RIMS3: variants seen among roughly 807,000 people sequenced by gnomAD.
RIMS3 encodes regulating synaptic membrane exocytosis 3.
RIMS3 carries 15 observed loss-of-function variants against 29.2 expected under a neutral mutation model. That is an observed-to-expected ratio of 0.51 (90% CI 0.34 to 0.79). RIMS3 has a LOEUF of 0.79. Ranked by LOEUF, RIMS3 falls within the 30% of genes least tolerant of loss-of-function variation. The pLI is 0.01. For synonymous variants in RIMS3, 161 were observed against 170.1 expected, an observed-to-expected ratio of 0.95 and a Z score of 0.41; for missense variants, 342 against 421.4, an observed-to-expected ratio of 0.81 and a Z score of 1.65.
At chr1:40,648,574 G>A (rs990085883) in intron 1 of RIMS3, among the ~76,000 whole-genome samples, 1 of 152,174 alleles carries the variant, frequency 6.6e-6, no homozygotes, top group Non-Finnish European at 1.5e-5. Context: ...TATAAAACAA[G>A]GATTGGGATG....
At position 40,635,105 on chromosome 1, in the gene RIMS3, G is replaced by A. The variant is rs1036211732; in HGVS notation, c.359+811C>T. ...ACTCGCATTCATGGAAGTAGGTGCA[G>A]CAGTGAGACACACAATCACTGAATC... On this transcript the variant is annotated intron_variant, in intron 4 of 7. Coordinates refer to ENST00000372684, the MANE Select transcript of RIMS3 (RefSeq NM_014747.3). This position sits in a 1 kb window ranked among gnomAD's most constrained non-coding sequence, Gnocchi z 4.1. 2.0e-5 allele frequency among the ~76,000 whole-genome samples: 3 copies of A among 152,352 alleles called. No homozygotes were observed. The highest frequency in any genetic ancestry group is 3.9e-4 in the East Asian group (2 of 5,190).
At chr1:40,633,299 G>A in intron 4 of RIMS3, 118 bp from the exon 5 acceptor site, 1 of 703,200 alleles carries the variant, frequency 1.4e-6, no homozygotes, top group Non-Finnish European at 2.5e-6. Flanking sequence ...CTGTGCCTCA[G>A]TTTCTCCTCT....
chr1:40,691,780 T>C, the RIMS3 span: 11 of 452,940 alleles, frequency 2.4e-5, no homozygotes, highest in Non-Finnish European at 4.9e-5. Flanking sequence ...CACTTCCCCC[T>C]CCCCTCCGCC....
intron 1 of RIMS3, among the ~76,000 whole-genome samples, chr1:40,662,621 C>G (rs756338901): frequency 6.6e-6 from 1 of 152,174 alleles, no homozygotes; most frequent in African/African-American, 2.4e-5. Context: ...TCACTCCTCC[C>G]GGACCCTCCT....
the RIMS3 span, chr1:40,691,582 G>C: frequency 3.0e-6 from 1 of 334,650 alleles, no homozygotes; most frequent in South Asian, 2.0e-5. Flanking sequence ...ATCTCATTCC[G>C]CCTCCCTCTG....
intron 2 of RIMS3, among the ~76,000 whole-genome samples, chr1:40,646,097 C>T (rs888866603): frequency 3.3e-5 from 5 of 152,156 alleles, no homozygotes; most frequent in Admixed American, 1.3e-4. Context: ...CTCTGGGCCT[C>T]GGCTGTCTCA....
At chr1:40,650,645 T>C (rs1341438133) in intron 1 of RIMS3, among the ~76,000 whole-genome samples, 1 of 151,626 alleles carries the variant, frequency 6.6e-6, no homozygotes, top group Non-Finnish European at 1.5e-5. Flanking sequence ...GTGAATCGCG[T>C]GAGCCCAGGA....
the RIMS3 span, among the ~76,000 whole-genome samples, chr1:40,684,805 G>GT: frequency 1.3e-5 from 2 of 152,142 alleles, no homozygotes; most frequent in Non-Finnish European, 2.9e-5. Flanking sequence ...GTCTCCCATT[G>GT]ATCAGTTTGC....
upstream of RIMS3, among the ~76,000 whole-genome samples, chr1:40,670,681 C>G (rs1469067606): frequency 6.8e-6 from 1 of 147,406 alleles, no homozygotes; most frequent in East Asian, 2.0e-4. Flanking sequence ...CTCCGCCTCC[C>G]AGGTTGAAGC....
intron 1 of RIMS3, among the ~76,000 whole-genome samples, chr1:40,653,389 T>C (rs897266670): frequency 1.3e-5 from 2 of 151,962 alleles, no homozygotes; most frequent in African/African-American, 2.4e-5. Flanking sequence ...AATATACAGA[T>C]GGCCAAGCTG....
rs116279830 is a variant in RIMS3 at position 40,653,884 on chromosome 1, C to T, written c.-206-6042G>A. Among the ~76,000 whole-genome samples the T allele has an allele frequency of 1.6e-3, 245 of 152,256 alleles. 2 individuals are homozygous for T. Among genetic ancestry groups the T allele is most frequent in the African/African-American group, 5.7e-3 (235 of 41,538 alleles). On this transcript the variant is annotated intron_variant, in intron 1 of 7. Coordinates refer to ENST00000372684, the MANE Select transcript of RIMS3 (RefSeq NM_014747.3). ...GAGGACTGTGCCAGGCAAACCCAGT[C>T]GTATAGTCACCCTAGCTGGTGGATA... is the stretch of plus-strand genomic sequence containing the variant.
At chr1:40,685,915 A>AG in the RIMS3 span, among the ~76,000 whole-genome samples, 2 of 152,092 alleles carry the variant, frequency 1.3e-5, no homozygotes, top group Non-Finnish European at 2.9e-5. Flanking sequence ...AGGCTGAGGC[A>AG]GGGGGGCAGA....
the RIMS3 span, among the ~76,000 whole-genome samples, chr1:40,684,127 T>C: frequency 1.3e-5 from 2 of 152,232 alleles, no homozygotes; most frequent in African/African-American, 2.4e-5. Flanking sequence ...GATGATTTTT[T>C]GAATGGAGGC....
At chr1:40,644,023 AG>A (rs1462348195) in intron 2 of RIMS3, among the ~76,000 whole-genome samples, 1 of 144,912 alleles carries the variant, frequency 6.9e-6, no homozygotes, top group Non-Finnish European at 1.5e-5. Context: ...TACTTGTCCA[AG>A]GGGGGGAAGA....
chr1:40,663,727 G>A (rs991617883), intron 1 of RIMS3, among the ~76,000 whole-genome samples: 1 of 152,196 alleles, frequency 6.6e-6, no homozygotes, highest in Non-Finnish European at 1.5e-5. Flanking sequence ...GAGGGAGAGA[G>A]AATAGTTAAG....
intron 1 of RIMS3, among the ~76,000 whole-genome samples, chr1:40,659,450 A>G (rs1296162178): frequency 6.6e-6 from 1 of 152,128 alleles, no homozygotes; most frequent in African/African-American, 2.4e-5. Context: ...GCTTGGAGAA[A>G]GGGCTGGAAA....
Position 40,621,666 on chromosome 1 carries a change from C to T in RIMS3, c.*4851G>A, listed in dbSNP as rs1646421669. ...GGCCCAGAAAAGTGAGGAGCCTTAC[C>T]CAAGGTCACAGTTTCTGGTAAAACT... On this transcript the variant is annotated 3_prime_UTR_variant, in exon 8 of 8. Transcript: ENST00000372684. 6.6e-6 allele frequency: 1 copy of T among 152,150 alleles called. No individual in the cohort carries two copies. The highest frequency in any genetic ancestry group is 6.5e-5 in the Admixed American group (1 of 15,276). 9.4% of individuals were successfully genotyped at this position (152,150 alleles called of 1,614,324 possible). A position where few individuals can be genotyped will look rare whatever the true frequency, so the allele number is the denominator to read the frequency against.
At chr1:40,637,509 C>A (rs74068542) in intron 3 of RIMS3, among the ~76,000 whole-genome samples, 1 of 43,998 alleles carries the variant, frequency 2.3e-5, no homozygotes, top group Non-Finnish European at 5.1e-5. Context: ...CACACACACA[C>A]AGAGTCACAT....
chr1:40,677,094 G>C, the RIMS3 span, among the ~76,000 whole-genome samples: 1 of 151,422 alleles, frequency 6.6e-6, no homozygotes, highest in Non-Finnish European at 1.5e-5. Context: ...TGCCTCCCAG[G>C]TTCAAGTGAT....
Sources: gnomAD v4.1 joint callset for allele counts (sites outside exome capture counted in the v4.1 genomes callset) on GRCh38, gnomAD v4.1.1 for gene constraint, Gnocchi (gnomAD v3.1) non-coding constraint, MANE v1.5 for transcripts, NCBI Gene and HGNC (gene_info 2026-07-23, HGNC 2026-07-21) for gene names.